The following PHF24 variants were observed in gnomAD, a reference collection of about 807,000 sequenced individuals.
PHF24 encodes the protein PHD finger protein 24, also known as Galpha inhibitory interacting protein.
In PHF24, 25 loss-of-function variants were observed where a neutral mutation model predicts 42.6. The ratio of observed to expected loss-of-function variants is 0.59; its 90% confidence interval spans 0.43 to 0.82. The LOEUF (loss-of-function observed/expected upper bound fraction) is 0.82, where lower values mean the gene tolerates loss of function less well. Ranked by LOEUF, PHF24 falls within the 40% of genes least tolerant of loss-of-function variation. The pLI is 0.00. For synonymous variants in PHF24, 185 were observed against 204.8 expected, an observed-to-expected ratio of 0.90 and a Z score of 0.83; for missense variants, 470 against 538.1, an observed-to-expected ratio of 0.87 and a Z score of 1.25.
the PHF24 span, among the ~76,000 whole-genome samples, chr9:34,671,225 C>T: frequency 6.6e-6 from 1 of 152,286 alleles, no homozygotes; most frequent in East Asian, 1.9e-4. Context: ...GTTTGGTCTG[C>T]TCACAGAGTA....
At chr9:34,797,590 C>G in the PHF24 span, among the ~76,000 whole-genome samples, 12 of 152,248 alleles carry the variant, frequency 7.9e-5, no homozygotes, top group East Asian at 2.3e-3. Context: ...TGCGGTGTGC[C>G]GGTCTCTGTC....
chr9:34,879,744 G>C, the PHF24 span, among the ~76,000 whole-genome samples: 3 of 152,146 alleles, frequency 2.0e-5, no homozygotes, highest in African/African-American at 7.2e-5. Flanking sequence ...TGAAAGAGAC[G>C]GGGAGAATGG....
At chr9:34,794,312 T>C in the PHF24 span, among the ~76,000 whole-genome samples, 1 of 152,204 alleles carries the variant, frequency 6.6e-6, no homozygotes, top group Non-Finnish European at 1.5e-5. Context: ...ACTTGTAGTC[T>C]GAATCCACCT....
At chr9:34,763,113 G>C in the PHF24 span, among the ~76,000 whole-genome samples, 1 of 152,196 alleles carries the variant, frequency 6.6e-6, no homozygotes, top group Non-Finnish European at 1.5e-5. Flanking sequence ...TTGTAGTATA[G>C]TTTGAAGTCA....
At chr9:34,806,178 C>T in the PHF24 span, among the ~76,000 whole-genome samples, 2 of 149,720 alleles carry the variant, frequency 1.3e-5, no homozygotes, top group Non-Finnish European at 3.0e-5. Flanking sequence ...TTTTTTTTTT[C>T]AAGATTGCTT....
At chr9:34,973,304 A>G (rs1401046806) in intron 3 of PHF24, among the ~76,000 whole-genome samples, 1 of 152,212 alleles carries the variant, frequency 6.6e-6, no homozygotes, top group Non-Finnish European at 1.5e-5. Context: ...AAAACTTCCT[A>G]GGCCTGAGAT....
the PHF24 span, among the ~76,000 whole-genome samples, chr9:34,805,887 G>T: frequency 1.9e-4 from 29 of 152,162 alleles, no homozygotes; most frequent in Non-Finnish European, 3.5e-4. Context: ...ATGGTGTGAG[G>T]TAAGGGTCCA....
chr9:34,970,807 T>C (rs1364771883), intron 1 of PHF24, among the ~76,000 whole-genome samples: 1 of 152,202 alleles, frequency 6.6e-6, no homozygotes, highest in Admixed American at 6.5e-5. Context: ...GACAGAGATA[T>C]CATTTCATGC....
chr9:34,976,141 C>T lies in PHF24; in HGVS notation c.565-11C>T. The T allele has an allele frequency of 6.2e-7, 1 of 1,611,730 alleles. No homozygotes were observed. The highest frequency in any genetic ancestry group is 8.5e-7 in the Non-Finnish European group (1 of 1,177,880). ...TGTATGGCCACCGACTCAGCTCTTC[C>T]TTATTTTCAGGACAACATCAACTTG... On this transcript the variant is annotated splice_polypyrimidine_tract_variant and intron_variant, in intron 3 of 7. Coordinates refer to ENST00000242315, the Ensembl canonical transcript of PHF24.
chr9:34,716,511 G>A, the PHF24 span, among the ~76,000 whole-genome samples: 1 of 152,118 alleles, frequency 6.6e-6, no homozygotes, highest in Non-Finnish European at 1.5e-5. Context: ...TAAATTTTGT[G>A]TTGGAGGTTG....
At chr9:34,787,930 T>G in the PHF24 span, among the ~76,000 whole-genome samples, 1 of 152,232 alleles carries the variant, frequency 6.6e-6, no homozygotes, top group South Asian at 2.1e-4. Context: ...CTTTATTGTT[T>G]TCTGTAAAAT....
At chr9:34,840,899 T>C in the PHF24 span, among the ~76,000 whole-genome samples, 1 of 152,150 alleles carries the variant, frequency 6.6e-6, no homozygotes, top group East Asian at 1.9e-4. Flanking sequence ...GTAGGAAAAA[T>C]TCCTTCTAGT....
At chr9:34,756,256 C>T in the PHF24 span, among the ~76,000 whole-genome samples, 4 of 151,470 alleles carry the variant, frequency 2.6e-5, no homozygotes, top group African/African-American at 4.8e-5. Context: ...TGCACCACCA[C>T]GCCTGGCTAA....
the PHF24 span, chr9:34,892,845 G>C: frequency 1.4e-6 from 1 of 695,598 alleles, no homozygotes. Context: ...CCAGCTGACC[G>C]GGCAGCTGAC....
the PHF24 span, among the ~76,000 whole-genome samples, chr9:34,711,542 C>CT: frequency 3.9e-3 from 508 of 130,754 alleles, 3 homozygotes; most frequent in South Asian, 0.011. Flanking sequence ...AATGTTGTTA[C>CT]TTTTTTTTTT....
the PHF24 span, among the ~76,000 whole-genome samples, chr9:34,880,972 C>A: frequency 6.6e-6 from 1 of 152,172 alleles, no homozygotes; most frequent in African/African-American, 2.4e-5. Context: ...GCACACTCCT[C>A]AGCAAATGTA....
the PHF24 span, among the ~76,000 whole-genome samples, chr9:34,926,952 T>C: frequency 6.6e-6 from 1 of 152,006 alleles, no homozygotes; most frequent in Non-Finnish European, 1.5e-5. The surrounding 1 kb of genome is among the most constrained non-coding windows in gnomAD (Gnocchi z 4.3). Flanking sequence ...CCCAGGTCTT[T>C]ATGGGAAATG....
At chr9:34,799,018 G>T in the PHF24 span, among the ~76,000 whole-genome samples, 1 of 152,044 alleles carries the variant, frequency 6.6e-6, no homozygotes, top group Non-Finnish European at 1.5e-5. Context: ...AGAAGTATCT[G>T]TATGTCCATT....
At chr9:34,862,746 C>G in the PHF24 span, among the ~76,000 whole-genome samples, 1 of 151,390 alleles carries the variant, frequency 6.6e-6, no homozygotes, top group Non-Finnish European at 1.5e-5. Context: ...AAAGTGCCTT[C>G]TGCTTGAGAA....
Sources: gnomAD v4.1 joint callset for allele counts (sites outside exome capture counted in the v4.1 genomes callset) on GRCh38, gnomAD v4.1.1 for gene constraint, Gnocchi (gnomAD v3.1) non-coding constraint, MANE v1.5 for transcripts, NCBI Gene and HGNC (gene_info 2026-07-23, HGNC 2026-07-21) for gene names.